LPAR6: variants seen among roughly 807,000 people sequenced by gnomAD.
The protein encoded by LPAR6 is lysophosphatidic acid receptor 6.
A neutral mutation model predicts 22.0 loss-of-function variants in LPAR6; 17 were observed. The ratio of observed to expected loss-of-function variants is 0.77; its 90% CI spans 0.53 to 1.16. The LOEUF is 1.16. LPAR6 is among the 50% of genes most tolerant of loss of function. LPAR6 has a pLI of 0.00. For synonymous variants in LPAR6, 136 were observed against 139.8 expected (o/e 0.97, Z 0.19); for missense variants, 384 against 406.9 (o/e 0.94, Z 0.48).
rs4151567 is a variant in LPAR6, at chr13:48,439,371, A to C, written c.-1474+5182T>G. The stretch of plus-strand genomic sequence containing the variant: ...ATAATCATGAAGACAGAATTTTGGT[A>C]GTGAGGTAGTGAGAGAAATAAAATA... On this transcript the variant is annotated intron_variant, in intron 1 of 6. Coordinates refer to the LPAR6 transcript ENST00000378434. Among the ~76,000 whole-genome samples, 845 of 152,310 alleles carry C rather than the reference A, an allele frequency of 5.5e-3. 5 individuals carry two copies. Among genetic ancestry groups the C allele is most frequent in the Middle Eastern group, 0.01 (3 of 294 alleles).
At chr13:48,443,516 T>G (rs577632097) in intron 1 of LPAR6, among the ~76,000 whole-genome samples, 20 of 152,180 alleles carry the variant, frequency 1.3e-4, no homozygotes, top group Non-Finnish European at 2.6e-4. Flanking sequence ...TAACACTTAA[T>G]TTTAAGACTT....
At chr13:48,407,101 T>C (rs1246595149), downstream of LPAR6, among the ~76,000 whole-genome samples, 2 of 152,230 alleles carry the variant, frequency 1.3e-5, no homozygotes, top group Non-Finnish European at 2.9e-5. Flanking sequence ...CTAGCACATT[T>C]ACCCCATGGC....
intron 1 of LPAR6, among the ~76,000 whole-genome samples, chr13:48,398,356 G>A (rs570137791): frequency 1.3e-5 from 2 of 151,994 alleles, no homozygotes; most frequent in Non-Finnish European, 2.9e-5. Context: ...AGTGATTTAG[G>A]AGACTTGACT....
intron 1 of LPAR6, among the ~76,000 whole-genome samples, chr13:48,432,434 T>G (rs1217114810): frequency 6.6e-6 from 1 of 151,998 alleles, no homozygotes; most frequent in Non-Finnish European, 1.5e-5. Flanking sequence ...TTTGTTTTTT[T>G]TTTTGGGCTA....
At chr13:48,416,203 G>T (rs1412090195), upstream of LPAR6, 1 of 152,162 alleles carries the variant, frequency 6.6e-6, no homozygotes. Context: ...CAGAAGGTGG[G>T]TGATTTCTCT....
chr13:48,420,089 A>C (rs561451945), intron 2 of LPAR6, among the ~76,000 whole-genome samples: 2 of 152,344 alleles, frequency 1.3e-5, no homozygotes, highest in Admixed American at 1.3e-4. Context: ...CAACAAAAAA[A>C]GAAAATTTCG....
At chr13:48,440,462 T>G (rs1949226381) in intron 1 of LPAR6, among the ~76,000 whole-genome samples, 1 of 152,194 alleles carries the variant, frequency 6.6e-6, no homozygotes. Flanking sequence ...ATGCATATTT[T>G]TTAACTTTAA....
chr13:48,424,281 T>G (rs1204005729), intron 1 of LPAR6, among the ~76,000 whole-genome samples: 1 of 152,204 alleles, frequency 6.6e-6, no homozygotes, highest in Non-Finnish European at 1.5e-5. Context: ...ATCGGTATCA[T>G]TTCGAAGTGA....
chr13:48,429,976 A>C (rs1257088587), upstream of LPAR6, among the ~76,000 whole-genome samples: 1 of 152,232 alleles, frequency 6.6e-6, no homozygotes, highest in Non-Finnish European at 1.5e-5. Flanking sequence ...ATTTAATGCC[A>C]ATCCAGTAAA....
chr13:48,398,462 T>A (rs1181588065), intron 1 of LPAR6, among the ~76,000 whole-genome samples: 1 of 152,082 alleles, frequency 6.6e-6, no homozygotes, highest in Admixed American at 6.6e-5. Flanking sequence ...CATCTGGGCT[T>A]AAATACTGAG....
At chr13:48,414,140 G>T (rs1252411885), upstream of LPAR6, among the ~76,000 whole-genome samples, 1 of 152,070 alleles carries the variant, frequency 6.6e-6, no homozygotes, top group African/African-American at 2.4e-5. Context: ...CTGAGATCAG[G>T]AGTTTGAGAG....
At chr13:48,425,149 G>C (rs891498753) in intron 1 of LPAR6, among the ~76,000 whole-genome samples, 15 of 152,132 alleles carry the variant, frequency 9.9e-5, no homozygotes, top group Admixed American at 5.9e-4. Flanking sequence ...GAGAATCTAC[G>C]AATTTAGTAA....
At chr13:48,435,588 C>T (rs574127822) in intron 1 of LPAR6, among the ~76,000 whole-genome samples, 7 of 152,236 alleles carry the variant, frequency 4.6e-5, no homozygotes, top group African/African-American at 1.7e-4. Flanking sequence ...TCCAGTTTAT[C>T]ACTTTTTCCT....
chr13:48,410,998 G>A (rs1400279606), downstream of LPAR6: 1 of 152,018 alleles, frequency 6.6e-6, no homozygotes, highest in African/African-American at 2.4e-5. Context: ...AAATAAAAAT[G>A]GTATGTTGAA....
intron 1 of LPAR6, among the ~76,000 whole-genome samples, chr13:48,432,941 G>A (rs1949145248): frequency 6.6e-6 from 1 of 152,008 alleles, no homozygotes; most frequent in South Asian, 2.1e-4. Flanking sequence ...TTGCTATTAT[G>A]CTTATATAGT....
At chr13:48,420,729 C>G (rs1474835915) in intron 2 of LPAR6, among the ~76,000 whole-genome samples, 1 of 152,100 alleles carries the variant, frequency 6.6e-6, no homozygotes, top group Admixed American at 6.6e-5. Flanking sequence ...CACAAGTATT[C>G]CTATACAACA....
chr13:48,431,940 G>A (rs1283350121), intron 1 of LPAR6, among the ~76,000 whole-genome samples: 1 of 152,048 alleles, frequency 6.6e-6, no homozygotes, highest in Non-Finnish European at 1.5e-5. Flanking sequence ...TGTGTACCAG[G>A]TGCTTTTCTA....
chr13:48,407,611 C>T (rs1385338839), downstream of LPAR6, among the ~76,000 whole-genome samples: 1 of 152,128 alleles, frequency 6.6e-6, no homozygotes, highest in Non-Finnish European at 1.5e-5. Context: ...ATAAGTAATG[C>T]TGTTGATCAT....
chr13:48,411,862 T>A lies in LPAR6; in HGVS notation c.562A>T (p.Ile188Phe), dbSNP rs121434307. 33 of 1,613,910 alleles carry A rather than the reference T, an allele frequency of 2.0e-5. No homozygotes were observed. In the South Asian group the frequency reaches 3.6e-4, roughly 18 times the overall value. Residue 188 changes from isoleucine (I) to phenylalanine (F), a missense_variant, in exon 1 of 1, where the codon ATC (isoleucine) becomes TTC (phenylalanine). By Grantham distance (21) the Ile-to-Phe change is conservative. Transcript: ENST00000620633. ...GGAATAAAAAATCCCACTATTTCGA[T>A]GAAAATTACAATCCTTGAGAGATAT... ...KTYLSRIVIFIEIVGFFIPLI... is the reference protein window; with the variant it reads ...KTYLSRIVIFFEIVGFFIPLI...
Sources: allele counts gnomAD v4.1 joint callset (sites outside exome capture counted in the v4.1 genomes callset), GRCh38; gene constraint gnomAD v4.1.1; transcripts MANE v1.5; gene names NCBI Gene and HGNC (gene_info 2026-07-23, HGNC 2026-07-21).